Variants in FBXW11 observed in about 807,000 individuals in gnomAD.
The protein encoded by FBXW11 is F-box/WD repeat-containing protein 11.
In FBXW11, 19 loss-of-function variants were observed where a neutral mutation model predicts 77.6. The ratio of observed to expected loss-of-function variants is 0.24; its 90% CI spans 0.17 to 0.36. The LOEUF is 0.36. Among genes scored for constraint, FBXW11 ranks in the 10% least tolerant of loss-of-function variants. The pLI is 1.00. For synonymous variants in FBXW11, 235 were observed against 249.4 expected (o/e 0.94, Z 0.54); for missense variants, 334 against 704.2 (o/e 0.47, Z 5.95).
intron 1 of FBXW11, among the ~76,000 whole-genome samples, chr5:171,993,813 T>C (rs1765885343): frequency 6.6e-6 from 1 of 152,164 alleles, no homozygotes; most frequent in Non-Finnish European, 1.5e-5. Flanking sequence ...TCTAGGATGA[T>C]GGTAAATTAT....
intron 1 of FBXW11, among the ~76,000 whole-genome samples, chr5:171,998,796 C>CAAAAAAA (rs34476350): frequency 1.7e-5 from 1 of 60,048 alleles, no homozygotes; most frequent in Non-Finnish European, 3.8e-5. Flanking sequence ...GACTCCGTCT[C>CAAAAAAA]AAAAAAAAAA....
chr5:171,884,691 T>G (rs140376733), intron 7 of FBXW11, among the ~76,000 whole-genome samples: 1 of 152,368 alleles, frequency 6.6e-6, no homozygotes, highest in East Asian at 1.9e-4. Context: ...TTCACAATAT[T>G]GATTCTACCC....
chr5:171,999,757 A>T (rs1766300879), intron 1 of FBXW11, among the ~76,000 whole-genome samples: 1 of 152,182 alleles, frequency 6.6e-6, no homozygotes, highest in African/African-American at 2.4e-5. Flanking sequence ...TTTTTACTAT[A>T]CAATGGTTTC....
chr5:171,941,362 TG>T (rs1217260117), intron 2 of FBXW11, among the ~76,000 whole-genome samples: 1 of 151,890 alleles, frequency 6.6e-6, no homozygotes, highest in African/African-American at 2.4e-5. Context: ...GTCAAGGTCG[TG>T]GAAGTCCCGC....
At chr5:171,957,907 TA>T in intron 1 of FBXW11, among the ~76,000 whole-genome samples, 1 of 152,290 alleles carries the variant, frequency 6.6e-6, no homozygotes, top group Non-Finnish European at 1.5e-5. Context: ...TGCCAACCAC[TA>T]ATTTCTCAGG....
intron 1 of FBXW11, among the ~76,000 whole-genome samples, chr5:171,958,841 G>C (rs534700518): frequency 2.6e-5 from 4 of 152,190 alleles, no homozygotes; most frequent in African/African-American, 7.2e-5. Flanking sequence ...AGAAGTCTTG[G>C]ACCCAAGCTC....
intron 9 of FBXW11, among the ~76,000 whole-genome samples, chr5:171,874,908 T>A (rs1191692644): frequency 9.2e-5 from 14 of 151,842 alleles, no homozygotes; most frequent in Non-Finnish European, 4.4e-5. Context: ...ACTGTGTTAC[T>A]GCACTCCAGC....
intron 2 of FBXW11, among the ~76,000 whole-genome samples, chr5:171,954,103 A>C (rs1241023085): frequency 6.6e-6 from 1 of 152,218 alleles, no homozygotes. Flanking sequence ...CTGAGGCTGC[A>C]AATGACATTC....
intron 2 of FBXW11, among the ~76,000 whole-genome samples, chr5:171,949,499 T>C (rs2113247201): frequency 1.3e-5 from 2 of 152,132 alleles, no homozygotes; most frequent in South Asian, 4.1e-4. Flanking sequence ...ACACAAAAAG[T>C]AAACATTTTT....
chr5:171,892,054 A>G (rs1431756480), intron 6 of FBXW11, among the ~76,000 whole-genome samples: 1 of 152,218 alleles, frequency 6.6e-6, no homozygotes, highest in Admixed American at 6.5e-5. Flanking sequence ...TAAGCCAACT[A>G]CATAGGAAGA....
chr5:171,993,239 G>C lies in FBXW11; in HGVS notation c.45+13219C>G, dbSNP rs145293467. Among the ~76,000 whole-genome samples the C allele has an allele frequency of 7.6e-3, 1,163 of 152,108 alleles. 19 individuals carry two copies. The highest frequency in any genetic ancestry group is 0.026 in the African/African-American group (1,094 of 41,438). The stretch of plus-strand genomic sequence containing the variant: ...AGAGAATATTCCAGTCATTTGGCTT[G>C]AGTCTTCAGGTCTCTCTGACTTGTT... On this transcript the variant is annotated intron_variant, in intron 1 of 13. Transcript: ENST00000517395.
Position 171,899,059 on chromosome 5 carries a change from C to G in FBXW11, c.659G>C (p.Gly220Ala). The part of the protein sequence containing the change: ...QYLFKNRPTD[G>A]PPNSFYRSLY... ...TGACCTATAAAATGAATTTGGAGGGCCATCTGTGGGTCTGTTTTTAAACAG... is the reference window on the plus strand; with the variant it reads ...TGACCTATAAAATGAATTTGGAGGGGCATCTGTGGGTCTGTTTTTAAACAG... The change falls in exon 6 of 14, where the codon GGC becomes GCC. Residue 220 changes from glycine (G) to alanine (A), a missense_variant. Gly to Ala is a moderately conservative substitution (Grantham distance 60, BLOSUM62 0). Transcript: ENST00000517395. The G allele has an allele frequency of 6.2e-7, 1 of 1,608,830 alleles. No individual in the cohort carries two copies. Among genetic ancestry groups the G allele is most frequent in the Middle Eastern group, 1.7e-4 (1 of 5,936 alleles).
At chr5:171,977,602 A>T in intron 1 of FBXW11, 1 of 451,762 alleles carries the variant, frequency 2.2e-6, no homozygotes, top group Non-Finnish European at 4.4e-6. Context: ...GAGACTGGGC[A>T]AGTTACAAAA....
At chr5:171,899,574 C>G (rs528775130) in intron 5 of FBXW11, among the ~76,000 whole-genome samples, 14 of 152,158 alleles carry the variant, frequency 9.2e-5, no homozygotes, top group Non-Finnish European at 1.8e-4. Flanking sequence ...TAATAACAAA[C>G]AGCAAAATGG....
At chr5:171,936,939 T>G (rs759214537) in intron 2 of FBXW11, among the ~76,000 whole-genome samples, 13 of 152,150 alleles carry the variant, frequency 8.5e-5, no homozygotes, top group Non-Finnish European at 1.9e-4. Context: ...GAAGAACAAT[T>G]CCTTCAATCA....
chr5:171,901,372 T>C (rs896551243), intron 4 of FBXW11, among the ~76,000 whole-genome samples: 3 of 152,218 alleles, frequency 2.0e-5, no homozygotes, highest in African/African-American at 7.2e-5. Context: ...CTGTATAAGA[T>C]TACGATAATC....
At chr5:171,955,534 G>A (rs183866133) in intron 2 of FBXW11, among the ~76,000 whole-genome samples, 62 of 152,276 alleles carry the variant, frequency 4.1e-4, no homozygotes, top group Admixed American at 3.0e-3. Flanking sequence ...GAGACTGGAG[G>A]TAAAGGGGAG....
Position 171,870,716 on chromosome 5 carries a change from T to C in FBXW11, c.1451+32A>G, listed in dbSNP as rs550104279. On this transcript the variant is annotated intron_variant, in intron 11 of 13. Coordinates refer to ENST00000517395, the MANE Select transcript of FBXW11 (RefSeq NM_001378974.1). ...TTTCTCTTTCTTCTTGATACAGTTA[T>C]AGCAGTACATCTGAAAATCTGAAAG... is the stretch of plus-strand genomic sequence containing the variant. 80 of 1,442,480 alleles carry C rather than the reference T, an allele frequency of 5.5e-5. No homozygotes were observed. The South Asian group carries it at 7.2e-4, about 13-fold the overall frequency. The allele number at this position is 1,442,480 out of a possible 1,614,324, so 89.4% of individuals were successfully genotyped here. A position where few individuals can be genotyped will look rare whatever the true frequency, so the allele number is the denominator to read the frequency against.
At chr5:171,947,470 G>A (rs147935642) in intron 2 of FBXW11, among the ~76,000 whole-genome samples, 102 of 152,028 alleles carry the variant, frequency 6.7e-4, no homozygotes, top group African/African-American at 2.2e-3. Context: ...AGGCCAAAGC[G>A]GGCAGACCAC....
Sources: gnomAD v4.1 joint callset for allele counts (sites outside exome capture counted in the v4.1 genomes callset) on GRCh38, gnomAD v4.1.1 for gene constraint, MANE v1.5 for transcripts, NCBI Gene and HGNC (gene_info 2026-07-23, HGNC 2026-07-21) for gene names.